The following PDE10A variants were observed in gnomAD, a reference collection of about 807,000 sequenced individuals.
PDE10A encodes cAMP and cAMP-inhibited cGMP 3',5'-cyclic phosphodiesterase 10A.
PDE10A carries 39 observed loss-of-function variants against 97.7 expected under a neutral mutation model. The observed-to-expected ratio is 0.40, with a 90% CI of 0.31 to 0.52. PDE10A has a LOEUF of 0.52. Ranked by LOEUF, PDE10A falls within the 20% of genes least tolerant of loss-of-function variation. PDE10A has a pLI of 0.56. For synonymous variants in PDE10A, 371 were observed against 376.8 expected (o/e 0.98, Z 0.18); for missense variants, 731 against 1,047.8 (o/e 0.70, Z 4.17).
intron 1 of PDE10A, among the ~76,000 whole-genome samples, chr6:165,742,492 C>T (rs1443223259): frequency 6.6e-6 from 1 of 152,090 alleles, no homozygotes; most frequent in East Asian, 1.9e-4. Context: ...ATGCCAAACC[C>T]CCACTGCCCC....
At chr6:165,800,031 C>A (rs1273769218) in intron 1 of PDE10A, among the ~76,000 whole-genome samples, 1 of 152,162 alleles carries the variant, frequency 6.6e-6, no homozygotes, top group Non-Finnish European at 1.5e-5. Flanking sequence ...TTTTACATTT[C>A]CCCAGAAGTA....
intron 3 of PDE10A, among the ~76,000 whole-genome samples, chr6:165,455,655 A>T (rs1011360566): frequency 5.4e-4 from 82 of 152,214 alleles, no homozygotes; most frequent in African/African-American, 2.0e-3. Context: ...GCTGTAGAAG[A>T]GGTTCTCTTA....
At chr6:165,363,006 C>A (rs1174856508) in intron 18 of PDE10A, among the ~76,000 whole-genome samples, 1 of 150,246 alleles carries the variant, frequency 6.7e-6, no homozygotes, top group Non-Finnish European at 1.5e-5. Flanking sequence ...ATGACAAAAT[C>A]CAACACCCAT....
chr6:165,525,041 C>A (rs915929795), intron 2 of PDE10A, among the ~76,000 whole-genome samples: 4 of 152,220 alleles, frequency 2.6e-5, no homozygotes, highest in African/African-American at 7.2e-5. Context: ...CCTCCCGAGG[C>A]AGCTGCCAGG....
intron 1 of PDE10A, among the ~76,000 whole-genome samples, chr6:165,837,073 T>C (rs1313288750): frequency 7.3e-6 from 1 of 136,854 alleles, no homozygotes; most frequent in Non-Finnish European, 1.6e-5. Flanking sequence ...GGGGGAGGGA[T>C]AGCACTGGGA....
At chr6:165,784,550 T>A (rs932905824) in intron 1 of PDE10A, among the ~76,000 whole-genome samples, 4 of 152,242 alleles carry the variant, frequency 2.6e-5, no homozygotes, top group African/African-American at 9.6e-5. Flanking sequence ...TAGCAAGTAA[T>A]GCCAAATTGC....
chr6:165,621,118 T>A (rs545978813), intron 1 of PDE10A, among the ~76,000 whole-genome samples: 2 of 152,150 alleles, frequency 1.3e-5, no homozygotes, highest in African/African-American at 4.8e-5. Context: ...TGTATTGTCC[T>A]GAGTATTTGA....
At chr6:165,511,420 T>C (rs1781501238) in intron 2 of PDE10A, among the ~76,000 whole-genome samples, 1 of 90,372 alleles carries the variant, frequency 1.1e-5, no homozygotes, top group Admixed American at 1.3e-4. Flanking sequence ...TCTTGAGAAT[T>C]GTTTTGTGGC....
chr6:165,507,479 T>C (rs1289914120), intron 2 of PDE10A, among the ~76,000 whole-genome samples: 3 of 152,022 alleles, frequency 2.0e-5, no homozygotes, highest in Non-Finnish European at 4.4e-5. Context: ...ACTATCATGA[T>C]CTACCTGGAA....
chr6:165,619,418 T>C (rs867216280), intron 1 of PDE10A, among the ~76,000 whole-genome samples: 181 of 104,852 alleles, frequency 1.7e-3, no homozygotes, highest in African/African-American at 2.7e-3. Context: ...TCTAGTGTAG[T>C]GTAGTGTAGT....
intron 2 of PDE10A, among the ~76,000 whole-genome samples, chr6:165,499,429 A>G (rs543230971): frequency 1.3e-5 from 2 of 152,340 alleles, no homozygotes; most frequent in Middle Eastern, 3.4e-3. Flanking sequence ...CTAACTAATA[A>G]AGACTAGGAA....
chr6:165,384,733 T>C (rs1488861678), intron 17 of PDE10A, among the ~76,000 whole-genome samples: 1 of 151,968 alleles, frequency 6.6e-6, no homozygotes, highest in African/African-American at 2.4e-5. Context: ...TGCTTGCTGT[T>C]GTCACTGTGT....
chr6:165,425,770 C>T lies in PDE10A; in HGVS notation c.1653+2888G>A, dbSNP rs868714910. ...TGTCTCTAATTATAGAAGGCATGAT[C>T]GTGTGTGTGTGTGTGTGTGTGTGTG... is the stretch of plus-strand genomic sequence containing the variant. On this transcript the variant is annotated intron_variant, in intron 10 of 21. Coordinates refer to ENST00000539869, the MANE Select transcript of PDE10A (RefSeq NM_001385079.1). Among the ~76,000 whole-genome samples, 1,332 of 144,130 alleles carry T rather than the reference C, an allele frequency of 9.2e-3. 19 individuals are homozygous for T. Among genetic ancestry groups the T allele is most frequent in the African/African-American group, 0.032 (1,240 of 38,262 alleles). The allele number at this position is 144,130 out of a possible 152,430, so 94.6% of individuals were successfully genotyped here.
chr6:165,811,719 C>A (rs1356461304), intron 1 of PDE10A, among the ~76,000 whole-genome samples: 1 of 152,210 alleles, frequency 6.6e-6, no homozygotes, highest in South Asian at 2.1e-4. Context: ...TCTGTCCTGT[C>A]TTAGCTGCTA....
chr6:165,478,202 G>A (rs1779400884), intron 3 of PDE10A, among the ~76,000 whole-genome samples: 1 of 152,082 alleles, frequency 6.6e-6, no homozygotes, highest in Non-Finnish European at 1.5e-5. Context: ...ATAGTTTTCT[G>A]CATAACAGTA....
At position 165,806,468 on chromosome 6, in the gene PDE10A, T is replaced by A. The variant is rs1051611535; in HGVS notation, c.-615+181061A>T. Among the ~76,000 whole-genome samples, 10 of 152,352 alleles carry A rather than the reference T, an allele frequency of 6.6e-5. 1 individual carries two copies. The highest frequency in any genetic ancestry group is 6.5e-4 in the Admixed American group (10 of 15,308). ...GTTTGAAGCTCCCCATCCTCAACTATTTCACGCTGTGCTGCGCAGCCTGTG... is the reference window on the plus strand; with the variant it reads ...GTTTGAAGCTCCCCATCCTCAACTAATTCACGCTGTGCTGCGCAGCCTGTG... On this transcript the variant is annotated intron_variant, in intron 1 of 19. Coordinates refer to the PDE10A transcript ENST00000366882.
intron 13 of PDE10A, among the ~76,000 whole-genome samples, chr6:165,411,932 T>G (rs1302240003): frequency 1.3e-5 from 2 of 152,184 alleles, no homozygotes; most frequent in Non-Finnish European, 2.9e-5. Context: ...ATAAAAATTA[T>G]GCTAAATCTA....
chr6:165,837,754 C>T (rs1203399163), intron 1 of PDE10A, among the ~76,000 whole-genome samples: 2 of 147,168 alleles, frequency 1.4e-5, no homozygotes, highest in African/African-American at 5.1e-5. Flanking sequence ...GGCACAATCT[C>T]GGCTCACTGC....
At chr6:165,727,055 C>A (rs1299116281) in intron 1 of PDE10A, among the ~76,000 whole-genome samples, 1 of 152,148 alleles carries the variant, frequency 6.6e-6, no homozygotes, top group African/African-American at 2.4e-5. Flanking sequence ...TCCTGCCCTG[C>A]ACCCAGGCTG....
Sources: gnomAD v4.1 joint callset for allele counts (sites outside exome capture counted in the v4.1 genomes callset) on GRCh38, gnomAD v4.1.1 for gene constraint, MANE v1.5 for transcripts, NCBI Gene and HGNC (gene_info 2026-07-23, HGNC 2026-07-21) for gene names.